The following FIG4 variants were observed in gnomAD, a reference collection of about 807,000 sequenced individuals.
The protein encoded by FIG4 is FIG4 phosphoinositide 5-phosphatase.
A neutral mutation model predicts 118.6 loss-of-function variants in FIG4; 112 were observed. The ratio of observed to expected loss-of-function variants is 0.94; its 90% CI spans 0.81 to 1.11. The LOEUF (loss-of-function observed/expected upper bound fraction) is 1.11. FIG4 is among the 50% of genes least tolerant of loss of function. The probability of loss-of-function intolerance (pLI) is 0.00; values close to 1 mark genes in which losing one functional copy is unlikely to be tolerated. For missense variants in FIG4, 969 were observed against 1,111.7 expected, an observed-to-expected ratio of 0.87 and a Z score of 1.83; for synonymous variants, 369 against 381.2, an observed-to-expected ratio of 0.97 and a Z score of 0.37.
chr6:109,701,788 T>C (rs1420687047), intron 1 of FIG4: 1 of 469,770 alleles, frequency 2.1e-6, no homozygotes, highest in African/African-American at 2.0e-5. Context: ...GAGAGCAATA[T>C]AGGGTGTAGT....
chr6:109,792,282 A>G (rs1194059471), intron 20 of FIG4, among the ~76,000 whole-genome samples: 1 of 152,254 alleles, frequency 6.6e-6, no homozygotes, highest in Non-Finnish European at 1.5e-5. Flanking sequence ...ATAACCCAAA[A>G]AAGTTTAAAA....
At chr6:109,763,677 C>G (rs932975988) in intron 12 of FIG4, among the ~76,000 whole-genome samples, 5 of 152,150 alleles carry the variant, frequency 3.3e-5, no homozygotes, top group African/African-American at 1.2e-4. Context: ...GCATGGGTAA[C>G]AAAATGCCAG....
intron 1 of FIG4, among the ~76,000 whole-genome samples, chr6:109,695,050 C>CCGG (rs2128377070): frequency 6.6e-6 from 1 of 152,192 alleles, no homozygotes; most frequent in East Asian, 1.9e-4. Flanking sequence ...AACTAAAAAT[C>CCGG]CGGCAGTCCC....
chr6:109,715,591 C>G (rs1775405873), intron 2 of FIG4, among the ~76,000 whole-genome samples: 1 of 152,134 alleles, frequency 6.6e-6, no homozygotes. Flanking sequence ...TAAAAATCAC[C>G]TCTAGGACCT....
At chr6:109,716,841 A>G (rs987908357) in intron 3 of FIG4, among the ~76,000 whole-genome samples, 3 of 152,172 alleles carry the variant, frequency 2.0e-5, no homozygotes, top group Non-Finnish European at 4.4e-5. Context: ...TGTCTCATTG[A>G]TGAATGAAAA....
At chr6:109,780,717 A>G (rs769733343) in intron 16 of FIG4, among the ~76,000 whole-genome samples, 2 of 152,212 alleles carry the variant, frequency 1.3e-5, no homozygotes, top group Non-Finnish European at 2.9e-5. Flanking sequence ...GGAATGGTAT[A>G]GATAATGGCG....
chr6:109,724,832 T>C (rs201736101), intron 3 of FIG4, among the ~76,000 whole-genome samples: 4 of 69,476 alleles, frequency 5.8e-5, no homozygotes, highest in Non-Finnish European at 1.1e-4. Context: ...TGTGTGTGTG[T>C]ACATATATAT....
chr6:109,705,768 T>C (rs1383370553), intron 1 of FIG4, among the ~76,000 whole-genome samples: 1 of 152,234 alleles, frequency 6.6e-6, no homozygotes, highest in Non-Finnish European at 1.5e-5. Flanking sequence ...TAAAATTCTG[T>C]ACAACAAACC....
intron 22 of FIG4, 45 bp from the exon 23 acceptor site, chr6:109,825,043 T>A: frequency 6.3e-7 from 1 of 1,576,366 alleles, no homozygotes; most frequent in South Asian, 1.1e-5. Context: ...TGGTCCTTCC[T>A]TATATTTTCT....
Position 109,743,314 on chromosome 6 carries a change from ATT to A in FIG4, c.1039+44_1039+45del, listed in dbSNP as rs756931518. ...TTTTAATAATAACTCCTGTCCTCAC[ATT>A]TAGAGATAATGAACTGTTGTCACAG... On this transcript the variant is annotated intron_variant, in intron 9 of 22. Coordinates refer to ENST00000230124, the MANE Select transcript of FIG4 (RefSeq NM_014845.6). 1.5e-5 allele frequency: 23 copies of A among 1,573,500 alleles called. No homozygotes were observed. In the South Asian group the frequency reaches 2.3e-4, roughly 16 times the overall value.
intron 15 of FIG4, among the ~76,000 whole-genome samples, chr6:109,773,836 A>G (rs1345523383): frequency 6.6e-6 from 1 of 151,780 alleles, no homozygotes; most frequent in Non-Finnish European, 1.5e-5. Context: ...TTATTTATTT[A>G]TTTATTTATT....
chr6:109,729,348 A>G (rs1330944760), intron 4 of FIG4, among the ~76,000 whole-genome samples: 1 of 152,226 alleles, frequency 6.6e-6, no homozygotes, highest in Non-Finnish European at 1.5e-5. Context: ...GATACCTATT[A>G]AAAACCTATA....
intron 7 of FIG4, among the ~76,000 whole-genome samples, chr6:109,740,112 A>C (rs562893953): frequency 5.3e-5 from 8 of 152,296 alleles, no homozygotes; most frequent in African/African-American, 1.9e-4. Flanking sequence ...AGTAAATTCT[A>C]CCTGGGAAGA....
intron 5 of FIG4, among the ~76,000 whole-genome samples, chr6:109,734,018 A>C (rs2128385448): frequency 6.6e-6 from 1 of 152,110 alleles, no homozygotes; most frequent in Middle Eastern, 3.4e-3. Context: ...GATTGTTAAA[A>C]ATCAGAAACC....
chr6:109,740,058 G>T lies in FIG4; in HGVS notation c.776-1386G>T, dbSNP rs1332798527. ...TGGTATTATCTGGTTGATCATTACT[G>T]CATAAAGAGATTTGATCCTGAATTA... On this transcript the variant is annotated intron_variant, in intron 7 of 22. Coordinates refer to ENST00000230124, the MANE Select transcript of FIG4 (RefSeq NM_014845.6). 4.6e-5 allele frequency among the ~76,000 whole-genome samples: 7 copies of T among 152,118 alleles called. No homozygotes were observed. In the South Asian group the frequency reaches 6.2e-4, roughly 13 times the overall value.
chr6:109,770,035 A>G (rs889292796), intron 15 of FIG4, among the ~76,000 whole-genome samples: 13 of 152,224 alleles, frequency 8.5e-5, no homozygotes, highest in African/African-American at 2.9e-4. Context: ...CCTTTTTTCT[A>G]TTCATTTTAA....
At chr6:109,755,765 C>CT (rs952732247) in intron 10 of FIG4, among the ~76,000 whole-genome samples, 15 of 152,128 alleles carry the variant, frequency 9.9e-5, no homozygotes, top group African/African-American at 3.1e-4. Context: ...CAACCCCTGC[C>CT]TTTTTTTGTT....
intron 22 of FIG4, among the ~76,000 whole-genome samples, chr6:109,804,493 A>T (rs1778512166): frequency 6.6e-6 from 1 of 152,202 alleles, no homozygotes; most frequent in African/African-American, 2.4e-5. Flanking sequence ...ACAAGAAAAC[A>T]CATTTCAATT....
intron 16 of FIG4, among the ~76,000 whole-genome samples, chr6:109,781,398 C>T (rs9487215): frequency 6.6e-6 from 1 of 151,864 alleles, no homozygotes; most frequent in Non-Finnish European, 1.5e-5. Flanking sequence ...ACAACACTCT[C>T]CTCTGTGTAT....
Sources: gnomAD v4.1 joint callset for allele counts (sites outside exome capture counted in the v4.1 genomes callset) on GRCh38, gnomAD v4.1.1 for gene constraint, MANE v1.5 for transcripts, NCBI Gene and HGNC (gene_info 2026-07-23, HGNC 2026-07-21) for gene names.